CNTN5: variants seen among roughly 807,000 people sequenced by gnomAD.
CNTN5 encodes contactin 5, also known as contactin-5.
A neutral mutation model predicts 129.1 loss-of-function variants in CNTN5; 77 were observed. That is an observed-to-expected ratio of 0.60 (90% CI 0.50 to 0.72). CNTN5 has a LOEUF of 0.72. Among genes scored for constraint, CNTN5 ranks in the 30% least tolerant of loss-of-function variants. The pLI is 0.00. For synonymous variants in CNTN5, 509 were observed against 465.6 expected (o/e 1.09, Z -1.20); for missense variants, 1,478 against 1,328.8 (o/e 1.11, Z -1.75).
At chr11:99,717,088 C>A (rs1229106616) in intron 3 of CNTN5, among the ~76,000 whole-genome samples, 2 of 152,010 alleles carry the variant, frequency 1.3e-5, no homozygotes, top group Admixed American at 6.6e-5. Context: ...TCGGAACCCA[C>A]AAATTGTATA....
chr11:99,783,019 C>CA (rs1945370601), intron 3 of CNTN5, among the ~76,000 whole-genome samples: 1 of 150,416 alleles, frequency 6.6e-6, no homozygotes, highest in South Asian at 2.1e-4. Flanking sequence ...AAGAAACTAC[C>CA]ATCAGAGTGA....
chr11:99,756,815 T>C (rs1043754749), intron 3 of CNTN5, among the ~76,000 whole-genome samples: 2 of 151,946 alleles, frequency 1.3e-5, no homozygotes, highest in Non-Finnish European at 2.9e-5. Flanking sequence ...AAATAAGAGA[T>C]TTGGAATTAT....
rs1952542929 is a variant in CNTN5 at position 100,357,182 on chromosome 11, A to C, written c.*962A>C. The C allele has an allele frequency of 6.6e-6, 1 of 151,786 alleles. No homozygotes were observed. Among genetic ancestry groups the C allele is most frequent in the Admixed American group, 6.6e-5 (1 of 15,188 alleles). 9.4% of individuals were successfully genotyped at this position (151,786 alleles called of 1,614,324 possible). ...AAGGGCAATGAAAATTTGTTGTGCA[A>C]ATAATTATGCATAGTCTGTAGATTA... On this transcript the variant is annotated 3_prime_UTR_variant, in exon 25 of 25. Coordinates refer to ENST00000524871, the MANE Select transcript of CNTN5 (RefSeq NM_014361.4).
chr11:99,647,306 C>T (rs1364464903), intron 3 of CNTN5, among the ~76,000 whole-genome samples: 1 of 151,992 alleles, frequency 6.6e-6, no homozygotes, highest in African/African-American at 2.4e-5. Context: ...TGTACTTTCC[C>T]CCGTGAAAGT....
chr11:99,769,966 T>C (rs1463804940), intron 3 of CNTN5, among the ~76,000 whole-genome samples: 3 of 152,182 alleles, frequency 2.0e-5, no homozygotes, highest in Non-Finnish European at 4.4e-5. Flanking sequence ...GTTGGTGTTA[T>C]TTGTTTTACA....
intron 13 of CNTN5, among the ~76,000 whole-genome samples, chr11:100,126,460 G>A (rs952700414): frequency 3.3e-5 from 5 of 152,046 alleles, no homozygotes; most frequent in African/African-American, 4.8e-5. Context: ...ATGAATCTGG[G>A]TGCTCAGGTT....
At chr11:99,283,008 T>C (rs1210666008) in intron 1 of CNTN5, among the ~76,000 whole-genome samples, 2 of 152,036 alleles carry the variant, frequency 1.3e-5, no homozygotes, top group Non-Finnish European at 2.9e-5. Flanking sequence ...ACGTATCATA[T>C]CTCATTTGCC....
intron 1 of CNTN5, among the ~76,000 whole-genome samples, chr11:99,131,103 A>C (rs1273691172): frequency 4.8e-4 from 3 of 6,246 alleles, no homozygotes; most frequent in African/African-American, 1.1e-3. Flanking sequence ...TCTACTAAAA[A>C]TACAAAAAAT....
intron 7 of CNTN5, among the ~76,000 whole-genome samples, chr11:99,939,280 GT>G (rs757182253): frequency 1.3e-5 from 2 of 151,786 alleles, no homozygotes; most frequent in Non-Finnish European, 2.9e-5. Flanking sequence ...ATAAATTTGC[GT>G]TTTTCCCATT....
intron 13 of CNTN5, among the ~76,000 whole-genome samples, chr11:100,181,531 A>C (rs56908099): frequency 0.031 from 4,706 of 152,088 alleles, 243 homozygotes; most frequent in African/African-American, 0.11. Flanking sequence ...AAAGTGGTGA[A>C]AAATATTGTA....
chr11:100,349,495 C>T (rs1435294312), intron 23 of CNTN5, among the ~76,000 whole-genome samples: 2 of 151,774 alleles, frequency 1.3e-5, no homozygotes, highest in Non-Finnish European at 2.9e-5. Context: ...TCCCCTAAAA[C>T]ACTAAAATTG....
chr11:99,458,140 T>C (rs1944561106), intron 2 of CNTN5, among the ~76,000 whole-genome samples: 1 of 151,992 alleles, frequency 6.6e-6, no homozygotes, highest in Non-Finnish European at 1.5e-5. Context: ...ATGAGGCTTA[T>C]TTAGCTAATT....
intron 21 of CNTN5, 142 bp downstream of exon 21, chr11:100,308,610 A>G (rs1010519475): frequency 7.2e-6 from 10 of 1,393,312 alleles, no homozygotes; most frequent in South Asian, 1.7e-5. Context: ...AAGAAATACT[A>G]TTTTACTGGG....
At chr11:99,966,038 A>G (rs984811594) in intron 8 of CNTN5, among the ~76,000 whole-genome samples, 13 of 152,160 alleles carry the variant, frequency 8.5e-5, no homozygotes, top group Non-Finnish European at 1.8e-4. Context: ...AGGCATTACA[A>G]TGAATGTTTC....
chr11:99,029,879 A>G (rs1863280595), intron 1 of CNTN5, among the ~76,000 whole-genome samples: 1 of 152,186 alleles, frequency 6.6e-6, no homozygotes, highest in Non-Finnish European at 1.5e-5. Flanking sequence ...AAGAATTATA[A>G]TCAATGAATT....
chr11:100,186,577 AG>A (rs958072184), intron 13 of CNTN5, among the ~76,000 whole-genome samples: 65 of 152,230 alleles, frequency 4.3e-4, no homozygotes, highest in African/African-American at 1.5e-3. Context: ...AGACATCTCC[AG>A]GGCTAGATAG....
At chr11:99,330,910 A>C (rs1865972621) in intron 2 of CNTN5, among the ~76,000 whole-genome samples, 1 of 152,006 alleles carries the variant, frequency 6.6e-6, no homozygotes, top group African/African-American at 2.4e-5. Flanking sequence ...AAACTTGATA[A>C]AGGAGATGCC....
At chr11:99,309,382 T>C (rs1865010719) in intron 1 of CNTN5, among the ~76,000 whole-genome samples, 1 of 152,208 alleles carries the variant, frequency 6.6e-6, no homozygotes, top group Non-Finnish European at 1.5e-5. Flanking sequence ...AGTCCTGTAT[T>C]AGTTTGGAAA....
At chr11:99,946,547 C>T (rs1438774286) in intron 7 of CNTN5, among the ~76,000 whole-genome samples, 1 of 151,914 alleles carries the variant, frequency 6.6e-6, no homozygotes, top group Non-Finnish European at 1.5e-5. Context: ...CAAGGGAAAG[C>T]CAGTTTAGAA....
Sources: gnomAD v4.1 joint callset for allele counts (sites outside exome capture counted in the v4.1 genomes callset) on GRCh38, gnomAD v4.1.1 for gene constraint, MANE v1.5 for transcripts, NCBI Gene and HGNC (gene_info 2026-07-23, HGNC 2026-07-21) for gene names.